Variants in RYR3 observed in about 807,000 individuals in gnomAD.
The protein encoded by RYR3 is ryanodine receptor 3.
Under a neutral mutation model 584.3 loss-of-function variants are expected in RYR3, and 207 were observed. The observed-to-expected ratio is 0.35, with a 90% CI of 0.32 to 0.40. RYR3 has a LOEUF of 0.40. Ranked by LOEUF, RYR3 falls within the 10% of genes least tolerant of loss-of-function variation. The pLI is 1.00. For missense variants in RYR3, 5,616 were observed against 6,089.2 expected (o/e 0.92, Z 2.59); for synonymous variants, 2,416 against 2,248.5 (o/e 1.07, Z -2.11).
At chr15:33,770,165 A>G (rs183509544) in intron 62 of RYR3, among the ~76,000 whole-genome samples, 1 of 151,698 alleles carries the variant, frequency 6.6e-6, no homozygotes, top group Admixed American at 6.6e-5. Context: ...AATTGGGAGG[A>G]GGACACACCT....
At chr15:33,669,856 G>GT (rs1434319137) in intron 37 of RYR3, among the ~76,000 whole-genome samples, 5,171 of 46,966 alleles carry the variant, frequency 0.11, 1,036 homozygotes, top group Non-Finnish European at 0.17. Context: ...GGGGGGGGGG[G>GT]GGTGTGGGTG....
At chr15:33,672,155 CG>C (rs1287320444) in intron 38 of RYR3, among the ~76,000 whole-genome samples, 1 of 151,934 alleles carries the variant, frequency 6.6e-6, no homozygotes, top group African/African-American at 2.4e-5. Context: ...TCATGGCTGG[CG>C]GGGGGTGGGG....
At chr15:33,799,311 G>A (rs1328810279) in intron 67 of RYR3, among the ~76,000 whole-genome samples, 1 of 152,092 alleles carries the variant, frequency 6.6e-6, no homozygotes, top group African/African-American at 2.4e-5. Context: ...GCAATTAGAG[G>A]GTTGGGACTT....
chr15:33,670,051 A>C (rs2063749958), intron 37 of RYR3, among the ~76,000 whole-genome samples: 1 of 152,124 alleles, frequency 6.6e-6, no homozygotes. Context: ...TTTCATTTGA[A>C]ATAACTCATT....
intron 1 of RYR3, among the ~76,000 whole-genome samples, chr15:33,329,089 A>G (rs936745133): frequency 6.6e-6 from 1 of 152,178 alleles, no homozygotes; most frequent in Non-Finnish European, 1.5e-5. Flanking sequence ...GTTGTCTATC[A>G]AGTCTGGTCT....
At chr15:33,522,045 T>C (rs544324189) in intron 3 of RYR3, among the ~76,000 whole-genome samples, 1 of 146,686 alleles carries the variant, frequency 6.8e-6, no homozygotes, top group South Asian at 2.2e-4. Flanking sequence ...CCTGAGGTCA[T>C]GAGTTCGAGA....
intron 71 of RYR3, 70 bp downstream of exon 71, chr15:33,810,719 A>AGG (rs2076481188): frequency 6.3e-7 from 1 of 1,590,792 alleles, no homozygotes; most frequent in Non-Finnish European, 8.6e-7. Flanking sequence ...CAGCCCCTGA[A>AGG]GGGTTAGTCC....
intron 1 of RYR3, among the ~76,000 whole-genome samples, chr15:33,423,729 T>C (rs2044406141): frequency 6.6e-6 from 1 of 152,188 alleles, no homozygotes; most frequent in Non-Finnish European, 1.5e-5. Flanking sequence ...TTATGCACCC[T>C]GGATTTGGAA....
intron 60 of RYR3, among the ~76,000 whole-genome samples, chr15:33,765,495 T>C (rs1011287104): frequency 6.6e-6 from 1 of 152,062 alleles, no homozygotes; most frequent in East Asian, 1.9e-4. Context: ...TAGCCGGGCA[T>C]GGTAGCACAC....
intron 10 of RYR3, among the ~76,000 whole-genome samples, chr15:33,559,286 A>T (rs888564111): frequency 6.6e-6 from 1 of 152,214 alleles, no homozygotes. Context: ...TAAGTAGAGA[A>T]GGCTTGATGG....
chr15:33,842,164 C>A, intron 91 of RYR3, 129 bp downstream of exon 91: 1 of 1,054,162 alleles, frequency 9.5e-7, no homozygotes, highest in Non-Finnish European at 1.4e-6. Flanking sequence ...CCTAAACTTT[C>A]TTCTTCCCAT....
intron 36 of RYR3, among the ~76,000 whole-genome samples, chr15:33,665,483 C>G (rs1187371373): frequency 6.6e-6 from 1 of 152,196 alleles, no homozygotes; most frequent in African/African-American, 2.4e-5. Context: ...CTATCAGTGA[C>G]CCGATGAGTG....
intron 102 of RYR3, 91 bp downstream of exon 102, chr15:33,861,269 T>G: frequency 1.0e-6 from 1 of 965,270 alleles, no homozygotes; most frequent in Non-Finnish European, 1.6e-6. Context: ...GGAAAAAGAG[T>G]AACCAGAAAG....
chr15:33,384,522 A>C (rs28504236), intron 1 of RYR3, among the ~76,000 whole-genome samples: 38 of 146,398 alleles, frequency 2.6e-4, no homozygotes, highest in Non-Finnish European at 5.4e-4. Context: ...TTAATAATAT[A>C]ATAATATTAA....
At chr15:33,485,742 G>A (rs2050362864) in intron 2 of RYR3, among the ~76,000 whole-genome samples, 1 of 152,172 alleles carries the variant, frequency 6.6e-6, no homozygotes, top group African/African-American at 2.4e-5. Flanking sequence ...TCTAGATTGT[G>A]TCACTCTCTG....
intron 2 of RYR3, among the ~76,000 whole-genome samples, chr15:33,476,580 A>G (rs1455715823): frequency 2.0e-5 from 3 of 152,108 alleles, no homozygotes; most frequent in Non-Finnish European, 4.4e-5. Context: ...AGCCAGTTCC[A>G]TATTGCTATA....
rs74698364 is a variant in RYR3 at position 33,469,264 on chromosome 15, C to G, written c.52-4155C>G. ...GGCAGCTTTTCAGAGATTTCATGAT[C>G]AAAGGCATGGAAATAGGGAAACCCA... On this transcript the variant is annotated intron_variant, in intron 1 of 103. Transcript: ENST00000634891. 5.2e-3 allele frequency among the ~76,000 whole-genome samples: 783 copies of G among 152,012 alleles called. 9 individuals carry two copies. The highest frequency in any genetic ancestry group is 0.018 in the African/African-American group (747 of 41,442).
At chr15:33,673,628 T>C (rs1191026142) in intron 38 of RYR3, among the ~76,000 whole-genome samples, 6 of 152,216 alleles carry the variant, frequency 3.9e-5, no homozygotes, top group Non-Finnish European at 8.8e-5. Context: ...AGCATTTCCT[T>C]CAATGTAAAT....
At position 33,490,969 on chromosome 15, in the gene RYR3, A is replaced by G. The variant is rs558517490; in HGVS notation, c.172-12662A>G. ...TTCTCTTTGAAGGGTGGTGGTTCCC[A>G]TCTTGAATGAACATATCCATCAGTT... On this transcript the variant is annotated intron_variant, in intron 2 of 103. Coordinates refer to ENST00000634891, the MANE Select transcript of RYR3 (RefSeq NM_001036.6). 3.3e-5 allele frequency among the ~76,000 whole-genome samples: 5 copies of G among 152,284 alleles called. No individual in the cohort carries two copies. In the East Asian group the frequency reaches 9.7e-4, roughly 29 times the overall value.
Sources: allele counts gnomAD v4.1 joint callset (sites outside exome capture counted in the v4.1 genomes callset), GRCh38; gene constraint gnomAD v4.1.1; transcripts MANE v1.5; gene names NCBI Gene and HGNC (gene_info 2026-07-23, HGNC 2026-07-21).